The following KCNK9 variants were observed in gnomAD, a reference collection of about 807,000 sequenced individuals.
KCNK9 encodes the protein potassium two pore domain channel subfamily K member 9.
In KCNK9, 1 loss-of-function variant was observed where a neutral mutation model predicts 10.8. The observed-to-expected ratio is 0.09, with a 90% CI of 0.03 to 0.44. The LOEUF is 0.44. Among genes scored for constraint, KCNK9 ranks in the 20% least tolerant of loss-of-function variants. The pLI, the probability that KCNK9 is intolerant of heterozygous loss-of-function variation, is 0.97. For missense variants in KCNK9, 303 were observed against 515.0 expected (o/e 0.59, Z 3.98); for synonymous variants, 231 against 222.7 (o/e 1.04, Z -0.33).
intron 1 of KCNK9, among the ~76,000 whole-genome samples, chr8:139,668,940 G>T (rs1212551727): frequency 6.6e-6 from 1 of 152,152 alleles, no homozygotes; most frequent in Non-Finnish European, 1.5e-5. Flanking sequence ...AGACAATGCA[G>T]TTTCGGTCTA....
intron 1 of KCNK9, among the ~76,000 whole-genome samples, chr8:139,631,007 G>T (rs746115147): frequency 1.3e-5 from 2 of 152,242 alleles, no homozygotes; most frequent in Non-Finnish European, 2.9e-5. Flanking sequence ...CCTGCAAGAG[G>T]GGCTCTGCGC....
chr8:139,671,941 G>T (rs1816438162), intron 1 of KCNK9, among the ~76,000 whole-genome samples: 1 of 152,156 alleles, frequency 6.6e-6, no homozygotes, highest in Non-Finnish European at 1.5e-5. Context: ...GTCCTCATGG[G>T]GTCTGCAGTG....
chr8:139,688,931 C>T (rs932466986), intron 1 of KCNK9, among the ~76,000 whole-genome samples: 8 of 152,132 alleles, frequency 5.3e-5, no homozygotes, highest in Non-Finnish European at 8.8e-5. Context: ...ACCCCAAATT[C>T]ATATGTTGAT....
Position 139,618,734 on chromosome 8 carries a change from T to G in KCNK9, c.649A>C (p.Lys217Gln). ...AAGCTAAAGGCCACGTAGAGCGGCTTCTTCTGCAGGGCACCCTTGGTCTGC... is the reference window on the plus strand; with the variant it reads ...AAGCTAAAGGCCACGTAGAGCGGCTGCTTCTGCAGGGCACCCTTGGTCTGC... ...ALQTKGALQK[K>Q]PLYVAFSFMY... Residue 217 changes from lysine to glutamine, a missense_variant, in exon 2 of 2, where the codon AAG (lysine) becomes CAG (glutamine). By Grantham distance (53) the Lys-to-Gln change is moderately conservative. Around this residue, in one of 5 missense-constraint regions of KCNK9, gnomAD observed 53 missense variants for 134.9 expected, o/e 0.39. Transcript: ENST00000520439. This position sits in a 1 kb window ranked among gnomAD's most constrained non-coding sequence, Gnocchi z 7.9. 6.2e-7 allele frequency: 1 copy of G among 1,614,156 alleles called. No individual in the cohort carries two copies. Among genetic ancestry groups the G allele is most frequent in the Non-Finnish European group, 8.5e-7 (1 of 1,180,032 alleles).
chr8:139,648,288 T>TG (rs1193336160), intron 1 of KCNK9, among the ~76,000 whole-genome samples: 1 of 152,132 alleles, frequency 6.6e-6, no homozygotes, highest in Non-Finnish European at 1.5e-5. Flanking sequence ...TGAGTGCTAC[T>TG]GGGGACGGGG....
At chr8:139,696,182 A>C (rs1817046992) in intron 1 of KCNK9, among the ~76,000 whole-genome samples, 1 of 151,856 alleles carries the variant, frequency 6.6e-6, no homozygotes, top group African/African-American at 2.4e-5. Flanking sequence ...ATCCACTACC[A>C]CTTCATTATG....
Position 139,661,532 on chromosome 8 carries a change from G to A in KCNK9, c.283+41178C>T, listed in dbSNP as rs538665551. Among the ~76,000 whole-genome samples the A allele has an allele frequency of 2.0e-5, 3 of 152,314 alleles. 1 individual carries two copies. In the South Asian group the frequency reaches 6.2e-4, roughly 32 times the overall value. ...GAAGCAAGCAGAGCCCACAGGAAGG[G>A]TATGCCCTCCCCTCTGGGGCCTCAG... On this transcript the variant is annotated intron_variant, in intron 1 of 1. Transcript: ENST00000520439.
intron 1 of KCNK9, among the ~76,000 whole-genome samples, chr8:139,631,604 C>T (rs1345680803): frequency 6.6e-6 from 1 of 152,138 alleles, no homozygotes; most frequent in African/African-American, 2.4e-5. Context: ...CACTCCCTTC[C>T]GTTCTACTCT....
At position 139,618,117 on chromosome 8, in the gene KCNK9, G is replaced by T. The variant is rs1230403569; in HGVS notation, c.*141C>A. On this transcript the variant is annotated 3_prime_UTR_variant, in exon 2 of 2. Transcript: ENST00000520439. The surrounding 1 kb of genome is among the most constrained non-coding windows in gnomAD (Gnocchi z 7.9). ...GAAAGGTGGGGGAAAATGAGACCAA[G>T]AGACCAAGAAAGGAGGAAGGAGAGA... The T allele has an allele frequency of 1.6e-6, 2 of 1,223,652 alleles. No homozygotes were observed. The highest frequency in any genetic ancestry group is 3.1e-5 in the African/African-American group (2 of 65,430). 75.8% of individuals were successfully genotyped at this position (1,223,652 alleles called of 1,614,324 possible). A position where few individuals can be genotyped will look rare whatever the true frequency, so the allele number is the denominator to read the frequency against.
At chr8:139,647,145 G>A (rs917323712) in intron 1 of KCNK9, among the ~76,000 whole-genome samples, 3 of 152,226 alleles carry the variant, frequency 2.0e-5, no homozygotes, top group African/African-American at 7.2e-5. Flanking sequence ...CCGTGAGCAT[G>A]GGCTTTTAGG....
chr8:139,672,312 TA>T (rs1440863134), intron 1 of KCNK9, among the ~76,000 whole-genome samples: 6 of 152,142 alleles, frequency 3.9e-5, no homozygotes, highest in Admixed American at 1.3e-4. Flanking sequence ...GGACTGTGTC[TA>T]GTTGCCTCCC....
At chr8:139,661,060 G>C (rs967481533) in intron 1 of KCNK9, among the ~76,000 whole-genome samples, 1 of 152,212 alleles carries the variant, frequency 6.6e-6, no homozygotes, top group African/African-American at 2.4e-5. Flanking sequence ...ACAAAGCCAG[G>C]CCTCAAACCC....
intron 2 of KCNK9, among the ~76,000 whole-genome samples, chr8:139,602,532 G>C (rs1205468138): frequency 6.6e-6 from 1 of 152,182 alleles, no homozygotes; most frequent in African/African-American, 2.4e-5. Flanking sequence ...GAGATGCTCT[G>C]AGAATTACCA....
intron 1 of KCNK9, among the ~76,000 whole-genome samples, chr8:139,698,518 C>T (rs1158476598): frequency 1.3e-5 from 2 of 152,236 alleles, no homozygotes; most frequent in East Asian, 1.9e-4. Flanking sequence ...AAGGAACATA[C>T]CCCCTGCATG....
At chr8:139,678,426 C>T (rs1192035058) in intron 1 of KCNK9, among the ~76,000 whole-genome samples, 1 of 152,258 alleles carries the variant, frequency 6.6e-6, no homozygotes, top group African/African-American at 2.4e-5. Flanking sequence ...CACTCCTGCT[C>T]AGGGCAAGGT....
chr8:139,700,232 A>T (rs1399308731), intron 1 of KCNK9, among the ~76,000 whole-genome samples: 1 of 152,206 alleles, frequency 6.6e-6, no homozygotes, highest in Non-Finnish European at 1.5e-5. Context: ...AGTGCCGGCC[A>T]CACTGTGCCT....
intron 2 of KCNK9, among the ~76,000 whole-genome samples, chr8:139,604,514 C>T (rs1450585599): frequency 6.6e-6 from 1 of 152,238 alleles, no homozygotes; most frequent in Non-Finnish European, 1.5e-5. Context: ...AAGCCGGGCA[C>T]GCAGATAGGA....
chr8:139,675,745 G>A (rs2129747654), intron 1 of KCNK9, among the ~76,000 whole-genome samples: 1 of 151,826 alleles, frequency 6.6e-6, no homozygotes, highest in South Asian at 2.1e-4. Flanking sequence ...GAGCTTATGT[G>A]TCCCCCACCC....
chr8:139,702,257 G>A lies in KCNK9; in HGVS notation c.283+453C>T, dbSNP rs1817240288. On this transcript the variant is annotated intron_variant, in intron 1 of 1. Transcript: ENST00000520439. This position sits in a 1 kb window ranked among gnomAD's most constrained non-coding sequence, Gnocchi z 7.5. ...TCTCACGCCCCAGGCGCACTCCCCTGCCACCTGAGTCCCTCTAGGAGCCAT... is the reference window on the plus strand; with the variant it reads ...TCTCACGCCCCAGGCGCACTCCCCTACCACCTGAGTCCCTCTAGGAGCCAT... 6.6e-6 allele frequency among the ~76,000 whole-genome samples: 1 copy of A among 152,186 alleles called. No homozygotes were observed. Among genetic ancestry groups the A allele is most frequent in the Non-Finnish European group, 1.5e-5 (1 of 68,020 alleles).
Sources: gnomAD v4.1 joint callset for allele counts (sites outside exome capture counted in the v4.1 genomes callset) on GRCh38, gnomAD v4.1.1 for gene constraint, gnomAD v4.1.1 regional missense constraint, Gnocchi (gnomAD v3.1) non-coding constraint, MANE v1.5 for transcripts, NCBI Gene and HGNC (gene_info 2026-07-23, HGNC 2026-07-21) for gene names.